Variants in CLVS1 observed in about 807,000 individuals in gnomAD.
CLVS1 encodes clavesin-1.
In CLVS1, 10 loss-of-function variants were observed where a neutral mutation model predicts 33.1. The observed-to-expected ratio is 0.30, with a 90% confidence interval of 0.19 to 0.51. CLVS1 has a LOEUF of 0.51. Among genes scored for constraint, CLVS1 ranks in the 20% least tolerant of loss-of-function variants. CLVS1 has a pLI of 0.97. For missense variants in CLVS1, 343 were observed against 433.4 expected (o/e 0.79, Z 1.85); for synonymous variants, 163 against 166.1 (o/e 0.98, Z 0.14).
At chr8:61,414,888 C>T (rs1815371097) in intron 3 of CLVS1, among the ~76,000 whole-genome samples, 1 of 152,178 alleles carries the variant, frequency 6.6e-6, no homozygotes, top group South Asian at 2.1e-4. Context: ...CAGCCAGGGA[C>T]AATTACCTAC....
intron 4 of CLVS1, 105 bp from the exon 5 acceptor site, chr8:61,458,202 C>T (rs1017186992): frequency 2.4e-5 from 18 of 762,280 alleles, no homozygotes; most frequent in African/African-American, 1.9e-4. Flanking sequence ...ACTGTGATCA[C>T]CAGCAGTGCA....
At chr8:61,001,019 G>A in the CLVS1 span, among the ~76,000 whole-genome samples, 2 of 152,124 alleles carry the variant, frequency 1.3e-5, no homozygotes, top group South Asian at 2.1e-4. Flanking sequence ...CCAACTTGCA[G>A]TCTACCTCAC....
intron 1 of CLVS1, among the ~76,000 whole-genome samples, chr8:61,130,531 A>G (rs1387515127): frequency 6.6e-6 from 1 of 152,228 alleles, no homozygotes; most frequent in African/African-American, 2.4e-5. Context: ...AGCCAACAGA[A>G]TGAATTATAA....
chr8:61,177,297 C>G (rs1339921073), intron 2 of CLVS1, among the ~76,000 whole-genome samples: 3 of 152,180 alleles, frequency 2.0e-5, no homozygotes, highest in African/African-American at 7.2e-5. Flanking sequence ...GGAACTTCAA[C>G]TGCAGCCAGG....
chr8:61,071,998 A>G (rs1804805294), intron 1 of CLVS1, among the ~76,000 whole-genome samples: 1 of 152,202 alleles, frequency 6.6e-6, no homozygotes, highest in Non-Finnish European at 1.5e-5. Flanking sequence ...GGCACATCAA[A>G]GTGTCAAGGG....
Position 61,500,626 on chromosome 8 carries a change from A to AAATC in CLVS1, c.*1086_*1089dup, listed in dbSNP as rs1233157860. ...GAGTCCCCAACTACTCATTCAAAAG[A>AAATC]AATCAGACATAAAATAAACAGACAT... On this transcript the variant is annotated 3_prime_UTR_variant, in exon 6 of 6. Transcript: ENST00000325897. 2 of 141,014 alleles carry AAATC rather than the reference A, an allele frequency of 1.4e-5. No homozygotes were observed. The highest frequency in any genetic ancestry group is 3.0e-5 in the Non-Finnish European group (2 of 66,960). The allele number at this position is 141,014 out of a possible 1,614,324, so 8.7% of individuals were successfully genotyped here. A position where few individuals can be genotyped will look rare whatever the true frequency, so the allele number is the denominator to read the frequency against.
At chr8:61,442,080 C>T (rs759791263) in intron 3 of CLVS1, among the ~76,000 whole-genome samples, 2 of 152,172 alleles carry the variant, frequency 1.3e-5, no homozygotes, top group Non-Finnish European at 2.9e-5. Context: ...CACTCACTTC[C>T]CTCAACCCCA....
intron 1 of CLVS1, among the ~76,000 whole-genome samples, chr8:61,077,818 C>T (rs1196389176): frequency 1.3e-5 from 2 of 152,110 alleles, no homozygotes; most frequent in Admixed American, 1.3e-4. Flanking sequence ...ATGAGTGGGC[C>T]CGAGGCCATG....
chr8:61,155,062 GC>G (rs1192532787), intron 2 of CLVS1, among the ~76,000 whole-genome samples: 2 of 152,286 alleles, frequency 1.3e-5, no homozygotes, highest in East Asian at 3.9e-4. Flanking sequence ...AGGCTCTGGA[GC>G]TTTGGGCTGA....
chr8:61,388,462 T>C (rs1420973522), intron 3 of CLVS1, among the ~76,000 whole-genome samples: 1 of 151,788 alleles, frequency 6.6e-6, no homozygotes, highest in African/African-American at 2.4e-5. Flanking sequence ...AATAAATTAT[T>C]CTTGAAAATT....
chr8:61,174,859 C>T (rs904902705), intron 2 of CLVS1, among the ~76,000 whole-genome samples: 24 of 89,796 alleles, frequency 2.7e-4, no homozygotes, highest in African/African-American at 9.5e-4. Context: ...GTCAGCTTCC[C>T]TTATCATTAC....
intron 2 of CLVS1, among the ~76,000 whole-genome samples, chr8:61,203,509 A>G (rs559612775): frequency 6.0e-5 from 9 of 150,536 alleles, no homozygotes; most frequent in African/African-American, 2.2e-4. Context: ...AGACAAAAAT[A>G]TACCTGTGAA....
intron 3 of CLVS1, among the ~76,000 whole-genome samples, chr8:61,382,280 T>C (rs1431335752): frequency 6.6e-6 from 1 of 152,188 alleles, no homozygotes; most frequent in African/African-American, 2.4e-5. Context: ...TCACACCAAT[T>C]CTGCAGTCCA....
At chr8:61,214,706 G>T (rs16927011) in intron 2 of CLVS1, among the ~76,000 whole-genome samples, 5,770 of 152,314 alleles carry the variant, frequency 0.038, 211 homozygotes, top group South Asian at 0.15. Flanking sequence ...AGCAAACTCA[G>T]GCATCCGTCC....
At chr8:61,047,591 A>G in the CLVS1 span, among the ~76,000 whole-genome samples, 1 of 152,182 alleles carries the variant, frequency 6.6e-6, no homozygotes, top group Non-Finnish European at 1.5e-5. Context: ...GCACATATAC[A>G]CCATGGAATA....
At chr8:61,026,972 C>CT in the CLVS1 span, among the ~76,000 whole-genome samples, 1 of 152,170 alleles carries the variant, frequency 6.6e-6, no homozygotes, top group Non-Finnish European at 1.5e-5. Flanking sequence ...CGTGATTAGT[C>CT]TTTCCATCGT....
intron 3 of CLVS1, among the ~76,000 whole-genome samples, chr8:61,390,247 A>G (rs1338412268): frequency 6.6e-6 from 1 of 152,250 alleles, no homozygotes; most frequent in Non-Finnish European, 1.5e-5. Context: ...TTTACAGTAA[A>G]CAGCTTTCTA....
the CLVS1 span, among the ~76,000 whole-genome samples, chr8:61,039,086 C>T: frequency 1.3e-5 from 2 of 152,166 alleles, no homozygotes; most frequent in East Asian, 3.8e-4. Flanking sequence ...GACTTTGCCT[C>T]TTGGTCTGAG....
the CLVS1 span, among the ~76,000 whole-genome samples, chr8:61,047,199 T>C: frequency 6.6e-6 from 1 of 151,982 alleles, no homozygotes; most frequent in South Asian, 2.1e-4. Context: ...AAAAAACACA[T>C]GAAAAAATGC....
Sources: allele counts gnomAD v4.1 joint callset (sites outside exome capture counted in the v4.1 genomes callset), GRCh38; gene constraint gnomAD v4.1.1; transcripts MANE v1.5; gene names NCBI Gene and HGNC (gene_info 2026-07-23, HGNC 2026-07-21).